Variants in EBF2 observed in about 807,000 individuals in gnomAD.
EBF2 encodes the protein transcription factor COE2.
EBF2 carries 21 observed loss-of-function variants against 72.8 expected under a neutral mutation model. That is an observed-to-expected ratio of 0.29 (90% CI 0.20 to 0.42). The LOEUF is 0.42. EBF2 is among the 10% of genes least tolerant of loss of function. EBF2 has a pLI of 1.00. For synonymous variants in EBF2, 299 were observed against 274.2 expected (o/e 1.09, Z -0.89); for missense variants, 637 against 731.2 (o/e 0.87, Z 1.49).
chr8:26,025,778 A>C (rs1365751688), intron 6 of EBF2, among the ~76,000 whole-genome samples: 1 of 152,186 alleles, frequency 6.6e-6, no homozygotes, highest in Non-Finnish European at 1.5e-5. Flanking sequence ...AAACAACGGA[A>C]TGAGATCATG....
At chr8:25,992,333 C>CCA (rs71551842) in intron 6 of EBF2, among the ~76,000 whole-genome samples, 4 of 52,558 alleles carry the variant, frequency 7.6e-5, no homozygotes, top group Non-Finnish European at 1.2e-4. Flanking sequence ...GACTCTGTCT[C>CCA]AAAAAAAAAA....
intron 6 of EBF2, among the ~76,000 whole-genome samples, chr8:25,972,744 C>T (rs1804210309): frequency 6.6e-6 from 1 of 151,738 alleles, no homozygotes; most frequent in Non-Finnish European, 1.5e-5. Context: ...TACATGAGGG[C>T]GATGGTGGCC....
At chr8:25,937,013 A>C (rs1312368028) in intron 6 of EBF2, among the ~76,000 whole-genome samples, 3 of 152,206 alleles carry the variant, frequency 2.0e-5, no homozygotes. Flanking sequence ...ACGGGATTAC[A>C]ATTGGAGCTG....
At chr8:25,943,059 A>G (rs1803704485) in intron 6 of EBF2, among the ~76,000 whole-genome samples, 2 of 152,180 alleles carry the variant, frequency 1.3e-5, no homozygotes, top group African/African-American at 4.8e-5. Flanking sequence ...GCCTGAGCAC[A>G]TTGTCTCAAC....
At chr8:25,856,273 A>ATGAT (rs1247425156) in intron 14 of EBF2, among the ~76,000 whole-genome samples, 5 of 152,206 alleles carry the variant, frequency 3.3e-5, no homozygotes. Context: ...TACATAGATT[A>ATGAT]TGATTGAATG....
At chr8:25,885,330 A>G (rs1460585447) in intron 10 of EBF2, among the ~76,000 whole-genome samples, 1 of 152,144 alleles carries the variant, frequency 6.6e-6, no homozygotes, top group Non-Finnish European at 1.5e-5. Context: ...TACAACCATC[A>G]TCACCATCCA....
At chr8:25,886,634 A>T in intron 10 of EBF2, 121 bp downstream of exon 10, 1 of 1,196,580 alleles carries the variant, frequency 8.4e-7, no homozygotes, top group Non-Finnish European at 1.1e-6. Context: ...CACTCAGCTC[A>T]CTCTTTCCAC....
At position 25,968,726 on chromosome 8, in the gene EBF2, T is replaced by A. The variant is rs541107227; in HGVS notation, c.552-60171A>T. 3.3e-5 allele frequency among the ~76,000 whole-genome samples: 5 copies of A among 152,282 alleles called. No individual in the cohort carries two copies. The East Asian group carries it at 9.7e-4, about 29-fold the overall frequency. On this transcript the variant is annotated intron_variant, in intron 6 of 15. Transcript: ENST00000520164. ...ACAGGCATACACCACCACACCTAAT[T>A]TTTGTATTTTTAGTAGAGACGGGGT...
In EBF2 at chr8:25,889,870, C is replaced by T; in HGVS notation, c.634-1G>A. On this transcript the variant is annotated splice_acceptor_variant, in intron 7 of 15. Coordinates refer to ENST00000520164, the MANE Select transcript of EBF2 (RefSeq NM_022659.4). LOFTEE classifies it high-confidence loss of function. ...CATTCACCGTTGTTGACAACACAAC[C>T]TGCATATTTAAAGTAAAAAGGAGAA... is the stretch of plus-strand genomic sequence containing the variant. The T allele has an allele frequency of 6.2e-7, 1 of 1,613,060 alleles. No individual in the cohort carries two copies. Among genetic ancestry groups the T allele is most frequent in the Non-Finnish European group, 8.5e-7 (1 of 1,179,194 alleles).
chr8:25,867,944 T>A (rs72609943), intron 10 of EBF2, among the ~76,000 whole-genome samples: 31,380 of 152,202 alleles, frequency 0.21, 3,969 homozygotes, highest in East Asian at 0.41. Context: ...AGAATCTATA[T>A]TGTATTTGTT....
chr8:26,020,460 A>G lies in EBF2; in HGVS notation c.551+12625T>C, dbSNP rs1805187355. Among the ~76,000 whole-genome samples the G allele has an allele frequency of 2.0e-5, 3 of 152,212 alleles. No homozygotes were observed. The South Asian group carries it at 6.2e-4, about 32-fold the overall frequency. Reference sequence around the variant, plus strand: ...TTCTTCATCGGGGAATGAAAAGAAGAAAGGGAGGTCTTTAGGAGAAAGGCA... The same window carrying G: ...TTCTTCATCGGGGAATGAAAAGAAGGAAGGGAGGTCTTTAGGAGAAAGGCA... On this transcript the variant is annotated intron_variant, in intron 6 of 15. Coordinates refer to ENST00000520164, the MANE Select transcript of EBF2 (RefSeq NM_022659.4).
rs953011074 is a variant in EBF2 at position 25,987,595 on chromosome 8, C to A, written c.551+45490G>T. Among the ~76,000 whole-genome samples the A allele has an allele frequency of 3.0e-4, 46 of 152,164 alleles. 1 individual carries two copies. The highest frequency in any genetic ancestry group is 8.8e-5 in the Non-Finnish European group (6 of 68,026). On this transcript the variant is annotated intron_variant, in intron 6 of 15. Transcript: ENST00000520164. Reference sequence around the variant, plus strand: ...CAACAATCATGAGTGAGGATTACTGCCTTGGCTTTTCAGCTGAGGAAACTG... The same window carrying A: ...CAACAATCATGAGTGAGGATTACTGACTTGGCTTTTCAGCTGAGGAAACTG...
chr8:25,990,459 A>G (rs1804526164), intron 6 of EBF2, among the ~76,000 whole-genome samples: 1 of 152,188 alleles, frequency 6.6e-6, no homozygotes, highest in African/African-American at 2.4e-5. Flanking sequence ...AGATTTAGCC[A>G]GCTTGGGGCC....
intron 8 of EBF2, among the ~76,000 whole-genome samples, chr8:25,889,351 A>G (rs1185001601): frequency 1.3e-5 from 2 of 152,206 alleles, no homozygotes; most frequent in South Asian, 2.1e-4. Context: ...ACAAAAATCA[A>G]TTAGTGTCAG....
chr8:25,904,176 G>A (rs1002125836), intron 7 of EBF2, among the ~76,000 whole-genome samples: 6 of 144,788 alleles, frequency 4.1e-5, no homozygotes, highest in Admixed American at 7.2e-5. Flanking sequence ...AACTTTAAAC[G>A]TAGTATTTCA....
intron 6 of EBF2, among the ~76,000 whole-genome samples, chr8:26,019,032 G>T (rs1265826341): frequency 6.6e-6 from 1 of 151,938 alleles, no homozygotes; most frequent in African/African-American, 2.4e-5. Flanking sequence ...CAGAGGATAG[G>T]TATGCATGAT....
At chr8:25,844,883 C>G (rs1299504259) in intron 15 of EBF2, among the ~76,000 whole-genome samples, 1 of 152,034 alleles carries the variant, frequency 6.6e-6, no homozygotes, top group African/African-American at 2.4e-5. Flanking sequence ...GCCTGGGAGG[C>G]CAGGAGTTAT....
intron 6 of EBF2, among the ~76,000 whole-genome samples, chr8:25,926,218 G>A (rs1331270062): frequency 1.3e-5 from 2 of 152,126 alleles, no homozygotes; most frequent in Admixed American, 6.5e-5. Context: ...TGCTCTCGCC[G>A]TATGGTGGCC....
chr8:25,853,724 AACTT>A (rs1184115639), intron 14 of EBF2, among the ~76,000 whole-genome samples: 2 of 144,892 alleles, frequency 1.4e-5, no homozygotes, highest in African/African-American at 5.8e-5. Context: ...ATTGGAAAAT[AACTT>A]AAGTGTCCCA....
Sources: allele counts gnomAD v4.1 joint callset (sites outside exome capture counted in the v4.1 genomes callset), GRCh38; gene constraint gnomAD v4.1.1; transcripts MANE v1.5; gene names NCBI Gene and HGNC (gene_info 2026-07-23, HGNC 2026-07-21).